TXNRD1: variants seen among roughly 807,000 people sequenced by gnomAD.
TXNRD1 encodes thioredoxin reductase 1.
In TXNRD1, 57 loss-of-function variants were observed where a neutral mutation model predicts 80.3. The observed-to-expected ratio is 0.71, with a 90% CI of 0.57 to 0.89. The LOEUF (loss-of-function observed/expected upper bound fraction) is 0.89, where lower values mean the gene tolerates loss of function less well. TXNRD1 is among the 40% of genes least tolerant of loss of function. TXNRD1 has a pLI of 0.00. For missense variants in TXNRD1, 730 were observed against 803.0 expected, an observed-to-expected ratio of 0.91 and a Z score of 1.10; for synonymous variants, 291 against 285.2, an observed-to-expected ratio of 1.02 and a Z score of -0.20.
At chr12:104,249,669 T>C (rs371252945) in intron 1 of TXNRD1, among the ~76,000 whole-genome samples, 353 of 151,718 alleles carry the variant, frequency 2.3e-3, no homozygotes, top group Middle Eastern at 0.01. Context: ...GGCGCGGTGG[T>C]TCACGCCTGT....
chr12:104,230,183 T>C (rs1190657578), intron 1 of TXNRD1, among the ~76,000 whole-genome samples: 2 of 150,954 alleles, frequency 1.3e-5, no homozygotes, highest in Non-Finnish European at 3.0e-5. Context: ...ATTCTTCTGC[T>C]TGAGCCTCCT....
chr12:104,338,612 G>A (rs978782764), intron 15 of TXNRD1, among the ~76,000 whole-genome samples: 6 of 151,440 alleles, frequency 4.0e-5, no homozygotes, highest in African/African-American at 4.8e-5. Context: ...CAAGAGAATC[G>A]CTTGAATCCA....
At chr12:104,228,075 G>C (rs1322486888) in intron 1 of TXNRD1, among the ~76,000 whole-genome samples, 1 of 152,064 alleles carries the variant, frequency 6.6e-6, no homozygotes. Context: ...AGCCGAGCGG[G>C]GCAGATCACC....
At chr12:104,230,606 C>G (rs1452816994) in intron 1 of TXNRD1, among the ~76,000 whole-genome samples, 1 of 152,048 alleles carries the variant, frequency 6.6e-6, no homozygotes, top group Non-Finnish European at 1.5e-5. Flanking sequence ...TACTGTTTAT[C>G]TTCTTTGGAT....
intron 14 of TXNRD1, among the ~76,000 whole-genome samples, chr12:104,333,305 T>A (rs1398622789): frequency 6.6e-6 from 1 of 152,062 alleles, no homozygotes; most frequent in African/African-American, 2.4e-5. Context: ...TATTTCTTGA[T>A]AGACAATATT....
intron 12 of TXNRD1, among the ~76,000 whole-genome samples, chr12:104,327,145 C>G (rs935739628): frequency 1.3e-5 from 2 of 152,182 alleles, no homozygotes; most frequent in Non-Finnish European, 2.9e-5. Context: ...TAGTTGAGCT[C>G]TTCAACTATG....
chr12:104,255,035 A>T (rs1046296103), intron 2 of TXNRD1, among the ~76,000 whole-genome samples: 3 of 152,050 alleles, frequency 2.0e-5, no homozygotes, highest in Non-Finnish European at 4.4e-5. Flanking sequence ...AAACTCAGGA[A>T]GCTGAGGGGG....
chr12:104,334,767 C>T (rs1195763578), intron 15 of TXNRD1, among the ~76,000 whole-genome samples: 1 of 152,220 alleles, frequency 6.6e-6, no homozygotes, highest in Non-Finnish European at 1.5e-5. Context: ...ATATCAGCAG[C>T]TGGCAAGGAC....
At chr12:104,217,406 G>A (rs11111930) in intron 1 of TXNRD1, among the ~76,000 whole-genome samples, 5,132 of 151,118 alleles carry the variant, frequency 0.034, 277 homozygotes, top group African/African-American at 0.12. Context: ...CACCTCCCAG[G>A]TTGAAGCGAT....
chr12:104,334,569 A>G (rs538857239), intron 15 of TXNRD1, among the ~76,000 whole-genome samples: 1 of 152,066 alleles, frequency 6.6e-6, no homozygotes, highest in African/African-American at 2.4e-5. Context: ...CGGGGGTTTC[A>G]CCATGTTGGC....
chr12:104,228,045 G>T lies in TXNRD1; in HGVS notation c.91+12152G>T, dbSNP rs548284700. Among the ~76,000 whole-genome samples, 428 of 152,168 alleles carry T rather than the reference G, an allele frequency of 2.8e-3. 2 individuals carry two copies. Among genetic ancestry groups the T allele is most frequent in the African/African-American group, 9.8e-3 (408 of 41,518 alleles). ...AGGCTGGGTGCAGTGGCTCACACCCGTAATCCCGGCACTTTGGGAAGCCGA... is the reference window on the plus strand; with the variant it reads ...AGGCTGGGTGCAGTGGCTCACACCCTTAATCCCGGCACTTTGGGAAGCCGA... On this transcript the variant is annotated intron_variant, in intron 1 of 16. Transcript: ENST00000525566.
intron 3 of TXNRD1, among the ~76,000 whole-genome samples, chr12:104,268,400 C>T (rs1292092930): frequency 1.3e-5 from 2 of 151,370 alleles, no homozygotes; most frequent in Non-Finnish European, 2.9e-5. Context: ...TGGCAGGCGC[C>T]TGTAGTCCCA....
chr12:104,260,410 T>C (rs2033342119), intron 3 of TXNRD1, among the ~76,000 whole-genome samples: 1 of 152,114 alleles, frequency 6.6e-6, no homozygotes, highest in South Asian at 2.1e-4. Context: ...GAGGTTGCGG[T>C]GAGCCAAGAT....
intron 1 of TXNRD1, among the ~76,000 whole-genome samples, chr12:104,249,790 C>A (rs2033074665): frequency 6.6e-6 from 1 of 151,820 alleles, no homozygotes; most frequent in Non-Finnish European, 1.5e-5. Flanking sequence ...AAAAAATTAG[C>A]CGGGCGTGGT....
intron 3 of TXNRD1, chr12:104,265,616 C>T: frequency 1.2e-6 from 2 of 1,607,508 alleles, no homozygotes; most frequent in Non-Finnish European, 1.7e-6. Context: ...CTGACCACCG[C>T]AGGCGCTGTC....
chr12:104,303,759 C>CTTT, intron 4 of TXNRD1: 1 of 1,128,514 alleles, frequency 8.9e-7, no homozygotes. Flanking sequence ...GTCCTCGGCT[C>CTTT]TAACTGCCGC....
chr12:104,305,239 A>G (rs2034853035), intron 4 of TXNRD1: 2 of 210,552 alleles, frequency 9.5e-6, no homozygotes, highest in Admixed American at 1.1e-4. Context: ...AAAACATAAT[A>G]ATTTACGAAA....
rs780749746 is a variant in TXNRD1 at position 104,260,408 on chromosome 12, G to A, written c.304+2329G>A. Among the ~76,000 whole-genome samples, 6 of 152,160 alleles carry A rather than the reference G, an allele frequency of 3.9e-5. No homozygotes were observed. In the South Asian group the frequency reaches 8.3e-4, roughly 21 times the overall value. ...CTTGGACCCGGGAGGCAGAGGTTGC[G>A]GTGAGCCAAGATCACACCATTGCAC... On this transcript the variant is annotated intron_variant, in intron 3 of 16. Coordinates refer to ENST00000525566, the MANE Select transcript of TXNRD1 (RefSeq NM_001093771.3).
chr12:104,334,907 A>C (rs2036080605), intron 15 of TXNRD1, among the ~76,000 whole-genome samples: 1 of 152,206 alleles, frequency 6.6e-6, no homozygotes, highest in African/African-American at 2.4e-5. Context: ...GTTTGTGTTT[A>C]TAGAAGAGGA....
Sources: gnomAD v4.1 joint callset for allele counts (sites outside exome capture counted in the v4.1 genomes callset) on GRCh38, gnomAD v4.1.1 for gene constraint, MANE v1.5 for transcripts, NCBI Gene and HGNC (gene_info 2026-07-23, HGNC 2026-07-21) for gene names.